The following UFL1 variants were observed in gnomAD, a reference collection of about 807,000 sequenced individuals.
The protein encoded by UFL1 is UFM1 specific ligase 1, also known as E3 UFM1-protein ligase 1.
In UFL1, 78 loss-of-function variants were observed where a neutral mutation model predicts 99.3. The ratio of observed to expected loss-of-function variants is 0.79; its 90% CI spans 0.65 to 0.95. UFL1 has a LOEUF of 0.95. Ranked by LOEUF, UFL1 falls within the 40% of genes least tolerant of loss-of-function variation. The pLI, the probability that UFL1 is intolerant of heterozygous loss-of-function variation, is 0.00. For missense variants in UFL1, 936 were observed against 937.0 expected, an observed-to-expected ratio of 1.00 and a Z score of 0.01; for synonymous variants, 335 against 322.2, an observed-to-expected ratio of 1.04 and a Z score of -0.42.
chr6:96,546,745 G>A (rs966009265), intron 12 of UFL1, among the ~76,000 whole-genome samples: 1 of 151,396 alleles, frequency 6.6e-6, no homozygotes, highest in Admixed American at 6.6e-5. Context: ...GGACAGGGTC[G>A]ACAAAAATAA....
chr6:96,536,511 A>G, intron 8 of UFL1, 121 bp downstream of exon 8: 3 of 654,168 alleles, frequency 4.6e-6, no homozygotes, highest in Non-Finnish European at 6.7e-6. Flanking sequence ...AATAATAATA[A>G]ATAAAAATTT....
rs754651588 is a variant in UFL1 at position 96,526,361 on chromosome 6, T to C, written c.391T>C (p.Leu131=). ...DRLAEEVNDK[L]QESGQVTISE... ...GTTGGCAGAAGAGGTCAATGATAAA[T>C]TGCAAGAAAGTGGTCAGGTCACCAT... Residue 131 remains leucine, a synonymous_variant, in exon 5 of 19, where the codon TTG becomes CTG. Transcript: ENST00000369278. 1.9e-6 allele frequency: 3 copies of C among 1,613,662 alleles called. No individual in the cohort carries two copies. In the Admixed American group the frequency reaches 5.0e-5, roughly 27 times the overall value.
chr6:96,538,947 T>G (rs566789585), intron 10 of UFL1, 137 bp downstream of exon 10: 1 of 760,320 alleles, frequency 1.3e-6, no homozygotes, highest in Non-Finnish European at 1.9e-6. Flanking sequence ...TATCATTCGT[T>G]TTTATTTTGT....
intron 5 of UFL1, among the ~76,000 whole-genome samples, chr6:96,526,939 T>C (rs547900529): frequency 1.3e-5 from 2 of 152,282 alleles, no homozygotes; most frequent in East Asian, 3.9e-4. Context: ...ATTTTTTTGT[T>C]CCAACTGTCA....
intron 10 of UFL1, among the ~76,000 whole-genome samples, chr6:96,539,471 G>C (rs1300917047): frequency 6.6e-6 from 1 of 151,416 alleles, no homozygotes; most frequent in Non-Finnish European, 1.5e-5. Flanking sequence ...ATACTTAGCT[G>C]TTCTCCTTCT....
At chr6:96,541,258 A>T (rs758839046) in intron 11 of UFL1, among the ~76,000 whole-genome samples, 2 of 151,404 alleles carry the variant, frequency 1.3e-5, no homozygotes, top group African/African-American at 4.8e-5. Flanking sequence ...TACATACCCA[A>T]AGCACCACTT....
At chr6:96,534,236 T>G in intron 6 of UFL1, 27 bp from the exon 7 acceptor site, 3 of 456,436 alleles carry the variant, frequency 6.6e-6, no homozygotes, top group South Asian at 5.4e-5. Flanking sequence ...GAGTAAGAAG[T>G]TTTTTTTTTT....
rs769980249 is a variant in UFL1 at position 96,521,850 on chromosome 6, G to A, written c.-24G>A. On this transcript the variant is annotated 5_prime_UTR_variant, in exon 1 of 19. Coordinates refer to ENST00000369278, the MANE Select transcript of UFL1 (RefSeq NM_015323.5). ...CGGCTGACGTGTCTGCAGTTCCTCC[G>A]CGTCTACTGCGAGTCAGGCCGTGAT... 5.0e-6 allele frequency: 8 copies of A among 1,606,384 alleles called. No homozygotes were observed. The highest frequency in any genetic ancestry group is 1.1e-5 in the South Asian group (1 of 89,392).
At chr6:96,551,568 T>A in intron 16 of UFL1, 55 bp downstream of exon 16, 1 of 1,216,306 alleles carries the variant, frequency 8.2e-7, no homozygotes, top group Non-Finnish European at 1.1e-6. Context: ...GTTACAAAGA[T>A]CTTTGAGTAG....
rs760974196 is a variant in UFL1, at chr6:96,548,156, C to T, written c.1403-8C>T. ...TTATTTATTTGCCATTGCTCATGTC[C>T]GATATAGGAAAGAAGAAGCCAGAGA... On this transcript the variant is annotated splice_region_variant and splice_polypyrimidine_tract_variant and intron_variant, in intron 12 of 18. Transcript: ENST00000369278. 64 of 1,555,382 alleles carry T rather than the reference C, an allele frequency of 4.1e-5. No homozygotes were observed. The highest frequency in any genetic ancestry group is 4.7e-5 in the Non-Finnish European group (54 of 1,145,500).
rs1769670066 is a variant in UFL1 at position 96,524,370 on chromosome 6, T to C, written c.224-12T>C. The C allele has an allele frequency of 1.9e-6, 3 of 1,588,594 alleles. No homozygotes were observed. Among genetic ancestry groups the C allele is most frequent in the Non-Finnish European group, 2.6e-6 (3 of 1,170,220 alleles). On this transcript the variant is annotated splice_polypyrimidine_tract_variant and intron_variant, in intron 2 of 18. Coordinates refer to ENST00000369278, the MANE Select transcript of UFL1 (RefSeq NM_015323.5). Reference sequence around the variant, plus strand: ...AGATCATTTAAAATAAATGAATGTCTTTTCTTCAAAGGTCGAGTAAACATT... The same window carrying C: ...AGATCATTTAAAATAAATGAATGTCCTTTCTTCAAAGGTCGAGTAAACATT...
intron 6 of UFL1, among the ~76,000 whole-genome samples, chr6:96,529,151 A>G (rs761439859): frequency 2.0e-5 from 3 of 152,188 alleles, no homozygotes; most frequent in Non-Finnish European, 4.4e-5. Context: ...ACTTTTCTAA[A>G]ATAAGAATTT....
Position 96,553,548 on chromosome 6 carries a change from G to A in UFL1, c.*45G>A, listed in dbSNP as rs1562258346. Reference sequence around the variant, plus strand: ...TCATATAGTAAGCATTTTCCCCCAAGGTTGAAGGTGAGTGGTCACAAAAAA... The same window carrying A: ...TCATATAGTAAGCATTTTCCCCCAAAGTTGAAGGTGAGTGGTCACAAAAAA... On this transcript the variant is annotated 3_prime_UTR_variant, in exon 19 of 19. Transcript: ENST00000369278. The A allele has an allele frequency of 1.3e-6, 2 of 1,566,388 alleles. No individual in the cohort carries two copies. The highest frequency in any genetic ancestry group is 1.7e-6 in the Non-Finnish European group (2 of 1,151,080).
rs1373063590 is a variant in UFL1, at chr6:96,526,431, CACAGGTATTTTTTTTCCTAATAAT to C, written c.465_465+23del. The stretch of plus-strand genomic sequence containing the variant: ...TATGATCTTCCTGGGAACTTTCTGA[CACAGGTATTTTTTTTCCTAATAAT>C]ACAATGTGTCTTTTTACCAAAGGAT... On this transcript the variant is annotated splice_donor_variant and splice_donor_5th_base_variant and coding_sequence_variant and intron_variant, in exon 5 of 19. Coordinates refer to ENST00000369278, the MANE Select transcript of UFL1 (RefSeq NM_015323.5). LOFTEE classifies it high-confidence loss of function. 5 of 1,609,214 alleles carry C rather than the reference CACAGGTATTTTTTTTCCTAATAAT, an allele frequency of 3.1e-6. No individual in the cohort carries two copies. The highest frequency in any genetic ancestry group is 4.2e-6 in the Non-Finnish European group (5 of 1,178,262).
intron 3 of UFL1, 139 bp downstream of exon 3, chr6:96,524,549 C>A (rs112193745): frequency 3.7e-6 from 2 of 545,410 alleles, no homozygotes; most frequent in African/African-American, 2.0e-5. Context: ...CTCGCTGATA[C>A]ACTGAATTGA....
In UFL1 at chr6:96,549,328, C is replaced by A. The variant is rs909750864; in HGVS notation, c.1521-84C>A. ...AAAATAGAGATTTCTATTCTTAAGCCTTATTTCCATAGAAACAAAATTCCT... is the reference window on the plus strand; with the variant it reads ...AAAATAGAGATTTCTATTCTTAAGCATTATTTCCATAGAAACAAAATTCCT... On this transcript the variant is annotated intron_variant, in intron 13 of 18. Transcript: ENST00000369278. 4 of 1,113,174 alleles carry A rather than the reference C, an allele frequency of 3.6e-6. No individual in the cohort carries two copies. The African/African-American group carries it at 5.0e-5, about 14-fold the overall frequency. 69.0% of individuals were successfully genotyped at this position (1,113,174 alleles called of 1,614,324 possible).
At chr6:96,537,284 T>A in intron 8 of UFL1, 90 bp from the exon 9 acceptor site, 1 of 1,187,540 alleles carries the variant, frequency 8.4e-7, no homozygotes, top group Non-Finnish European at 1.1e-6. Context: ...CTCTAATAAC[T>A]TTATTGGCTA....
chr6:96,553,602 G>C lies in UFL1; in HGVS notation c.*99G>C, dbSNP rs1770113558. The C allele has an allele frequency of 1.0e-5, 9 of 877,542 alleles. No homozygotes were observed. The highest frequency in any genetic ancestry group is 1.6e-5 in the Non-Finnish European group (9 of 574,270). 54.4% of individuals were successfully genotyped at this position (877,542 alleles called of 1,614,324 possible). On this transcript the variant is annotated 3_prime_UTR_variant, in exon 19 of 19. Coordinates refer to ENST00000369278, the MANE Select transcript of UFL1 (RefSeq NM_015323.5). ...GTCACTATACAACTCCCCTCTCCCT[G>C]CAAAAACCACCTCATACACACACAA...
In UFL1 at chr6:96,534,253, T is replaced by C; in HGVS notation, c.597-10T>C. 6.6e-7 allele frequency: 1 copy of C among 1,519,432 alleles called. No homozygotes were observed. The highest frequency in any genetic ancestry group is 1.3e-5 in the South Asian group (1 of 74,908). The allele number at this position is 1,519,432 out of a possible 1,614,324, so 94.1% of individuals were successfully genotyped here. A position where few individuals can be genotyped will look rare whatever the true frequency, so the allele number is the denominator to read the frequency against. On this transcript the variant is annotated splice_polypyrimidine_tract_variant and intron_variant, in intron 6 of 18. Transcript: ENST00000369278. Reference sequence around the variant, plus strand: ...GTAAGAAGTTTTTTTTTTTTTAACTTTCCATAAAGGCCTACAGCTGTGAAT... The same window carrying C: ...GTAAGAAGTTTTTTTTTTTTTAACTCTCCATAAAGGCCTACAGCTGTGAAT...
Sources: allele counts gnomAD v4.1 joint callset (sites outside exome capture counted in the v4.1 genomes callset), GRCh38; gene constraint gnomAD v4.1.1; transcripts MANE v1.5; gene names NCBI Gene and HGNC (gene_info 2026-07-23, HGNC 2026-07-21).